ERCC6: variants seen among roughly 807,000 people sequenced by gnomAD.
The protein encoded by ERCC6 is DNA excision repair protein ERCC-6.
ERCC6 carries 116 observed loss-of-function variants against 158.7 expected under a neutral mutation model. The ratio of observed to expected loss-of-function variants is 0.73; its 90% CI spans 0.63 to 0.85. The LOEUF (loss-of-function observed/expected upper bound fraction) is 0.85, where lower values mean the gene tolerates loss of function less well. Ranked by LOEUF, ERCC6 falls within the 40% of genes least tolerant of loss-of-function variation. The pLI, the probability that ERCC6 is intolerant of heterozygous loss-of-function variation, is 0.00. For synonymous variants in ERCC6, 678 were observed against 659.3 expected (o/e 1.03, Z -0.43); for missense variants, 1,698 against 1,799.4 (o/e 0.94, Z 1.02).
At chr10:49,478,976 T>C (rs1212198350) in intron 10 of ERCC6, among the ~76,000 whole-genome samples, 1 of 152,150 alleles carries the variant, frequency 6.6e-6, no homozygotes, top group African/African-American at 2.4e-5. Flanking sequence ...GAGATTACTG[T>C]CCACTGGAGA....
At chr10:49,496,345 C>A (rs529409360) in intron 7 of ERCC6, among the ~76,000 whole-genome samples, 1 of 152,240 alleles carries the variant, frequency 6.6e-6, no homozygotes, top group South Asian at 2.1e-4. Flanking sequence ...GATCTCAATG[C>A]CTACCTAATA....
At chr10:49,478,534 T>A in intron 10 of ERCC6, 64 bp from the exon 11 acceptor site, 2 of 939,612 alleles carry the variant, frequency 2.1e-6, no homozygotes, top group Non-Finnish European at 3.5e-6. Flanking sequence ...TGTTCTTACC[T>A]CTCAATTGCT....
intron 12 of ERCC6, among the ~76,000 whole-genome samples, 188 bp from the exon 13 acceptor site, chr10:49,474,430 A>G (rs1476429176): frequency 2.6e-5 from 4 of 152,206 alleles, no homozygotes; most frequent in African/African-American, 9.6e-5. Context: ...TGTTTCCCTG[A>G]TAGAACAAGT....
At chr10:49,511,569 C>G (rs1244781978) in intron 5 of ERCC6, among the ~76,000 whole-genome samples, 4 of 152,136 alleles carry the variant, frequency 2.6e-5, no homozygotes, top group Non-Finnish European at 5.9e-5. Context: ...GGACTACAGG[C>G]ATGCGCCACC....
At chr10:49,480,107 A>G (rs1251937768) in intron 10 of ERCC6, among the ~76,000 whole-genome samples, 1 of 152,160 alleles carries the variant, frequency 6.6e-6, no homozygotes, top group African/African-American at 2.4e-5. Context: ...CAGTTCTCAC[A>G]TGCCCTGCCC....
chr10:49,468,140 G>T (rs1850709783), intron 18 of ERCC6, among the ~76,000 whole-genome samples: 1 of 152,216 alleles, frequency 6.6e-6, no homozygotes, highest in South Asian at 2.1e-4. Flanking sequence ...AAGAGGAAAG[G>T]CCTTTTCACT....
chr10:49,461,315 G>T (rs1289124624), intron 19 of ERCC6, 37 bp downstream of exon 19: 3 of 1,588,760 alleles, frequency 1.9e-6, no homozygotes, highest in Non-Finnish European at 2.6e-6. Flanking sequence ...TTAGTTGTTT[G>T]GACTCCTTGC....
At chr10:49,487,499 C>T (rs902880715) in intron 8 of ERCC6, among the ~76,000 whole-genome samples, 1 of 152,174 alleles carries the variant, frequency 6.6e-6, no homozygotes, top group African/African-American at 2.4e-5. Flanking sequence ...CCTCAGGACT[C>T]CCTCGCCACC....
chr10:49,489,457 G>A (rs1851133550), intron 8 of ERCC6, among the ~76,000 whole-genome samples: 1 of 152,186 alleles, frequency 6.6e-6, no homozygotes. Flanking sequence ...GGCTCAGGAA[G>A]GCAAGTGATT....
At chr10:49,470,134 C>T in intron 18 of ERCC6, 48 bp downstream of exon 18, 1 of 1,547,930 alleles carries the variant, frequency 6.5e-7, no homozygotes, top group Non-Finnish European at 8.9e-7. Flanking sequence ...ACAGCCTACT[C>T]ATTTTCTAAT....
At position 49,532,799 on chromosome 10, in the gene ERCC6, T is replaced by C. The variant is rs1245748723; in HGVS notation, c.166A>G (p.Thr56Ala). 1.2e-6 allele frequency: 2 copies of C among 1,614,082 alleles called. No individual in the cohort carries two copies. The highest frequency in any genetic ancestry group is 2.2e-5 in the East Asian group (1 of 44,866). ...SFRSVGDGLS[T>A]SAVGCASAAP... ...GCTGATGCGCACCCCACAGCAGAGG[T>C]GGACAGCCCGTCACCCACAGAACGA... The change falls in exon 2 of 21, where the codon ACC (threonine) becomes GCC (alanine). Residue 56 changes from threonine to alanine, a missense_variant. Thr to Ala is a moderately conservative substitution (Grantham distance 58, BLOSUM62 0). Transcript: ENST00000355832.
At chr10:49,479,514 T>C (rs1043189859) in intron 10 of ERCC6, among the ~76,000 whole-genome samples, 7 of 152,226 alleles carry the variant, frequency 4.6e-5, no homozygotes, top group African/African-American at 1.4e-4. Flanking sequence ...TTTAGTTATA[T>C]ATAACTCCTT....
chr10:49,516,964 T>C, intron 5 of ERCC6: 1 of 1,614,048 alleles, frequency 6.2e-7, no homozygotes, highest in Non-Finnish European at 8.5e-7. Context: ...GGCAGATTAT[T>C]TATTGTTCCA....
chr10:49,522,099 T>C (rs1382661355), intron 5 of ERCC6, among the ~76,000 whole-genome samples: 1 of 151,320 alleles, frequency 6.6e-6, no homozygotes, highest in African/African-American at 2.4e-5. Flanking sequence ...TTCTAACCAC[T>C]AAAAAAAAAC....
chr10:49,524,629 T>C lies in ERCC6; in HGVS notation c.801A>G (p.Glu267=), dbSNP rs752544511. 1.9e-6 allele frequency: 3 copies of C among 1,614,220 alleles called. No individual in the cohort carries two copies. In the South Asian group the frequency reaches 3.3e-5, roughly 18 times the overall value. The part of the protein sequence containing the change: ...EKKPRKIMLN[E]ASGFEKYLAD... ...CCAAATACTTTTCGAAGCCTGATGC[T>C]TCATTAAGCATGATTTTTCTGGGCT... Residue 267 remains glutamate, a synonymous_variant, in exon 5 of 21, where the codon GAA becomes GAG. Transcript: ENST00000355832.
chr10:49,442,868 C>CA, the ERCC6 span, among the ~76,000 whole-genome samples: 2 of 152,296 alleles, frequency 1.3e-5, no homozygotes, highest in East Asian at 3.9e-4. Context: ...ACTTGCTCAG[C>CA]AAAATGTAAT....
rs1564419333 is a variant in ERCC6, at chr10:49,473,018, A to T, written c.2720T>A (p.Ile907Lys). The T allele has an allele frequency of 8.1e-6, 13 of 1,614,146 alleles. No homozygotes were observed. The highest frequency in any genetic ancestry group is 1.1e-5 in the Non-Finnish European group (13 of 1,180,014). ...CCGCGTGGTCAGAAGAAACACAAAT[A>T]TGGATGTGTCCTAGAGGTAAGACAC... ...LITRYNEDTSIFVFLLTTRVG... is the reference protein window; with the variant it reads ...LITRYNEDTSKFVFLLTTRVG... Residue 907 changes from isoleucine to lysine, a missense_variant, in exon 15 of 21, where the codon ATA (isoleucine) becomes AAA (lysine). Ile to Lys is a moderately radical substitution (Grantham distance 102). Coordinates refer to ENST00000355832, the MANE Select transcript of ERCC6 (RefSeq NM_000124.4).
chr10:49,525,007 A>T (rs1837278737), intron 4 of ERCC6: 2 of 1,021,334 alleles, frequency 2.0e-6, no homozygotes, highest in Non-Finnish European at 2.7e-6. Flanking sequence ...ACTTTTCCCC[A>T]AAATATTTCA....
chr10:49,447,414 G>A, the ERCC6 span, among the ~76,000 whole-genome samples: 22 of 152,140 alleles, frequency 1.4e-4, no homozygotes, highest in Non-Finnish European at 2.4e-4. Context: ...CCAGCTGGGC[G>A]TGGTGGCTCA....
Sources: allele counts gnomAD v4.1 joint callset (sites outside exome capture counted in the v4.1 genomes callset), GRCh38; gene constraint gnomAD v4.1.1; transcripts MANE v1.5; gene names NCBI Gene and HGNC (gene_info 2026-07-23, HGNC 2026-07-21).